NUP107: variants seen among roughly 807,000 people sequenced by gnomAD.
The protein encoded by NUP107 is nuclear pore complex protein Nup107.
Under a neutral mutation model 141.0 loss-of-function variants are expected in NUP107, and 101 were observed. That is an observed-to-expected ratio of 0.72 (90% CI 0.61 to 0.84). The LOEUF (loss-of-function observed/expected upper bound fraction) is 0.84, where lower values mean the gene tolerates loss of function less well. NUP107 is among the 40% of genes least tolerant of loss of function. NUP107 has a pLI of 0.00. For missense variants in NUP107, 941 were observed against 1,102.7 expected (o/e 0.85, Z 2.08); for synonymous variants, 319 against 363.9 (o/e 0.88, Z 1.41).
chr12:68,696,011 A>G (rs1008849272), intron 5 of NUP107, among the ~76,000 whole-genome samples: 5 of 143,794 alleles, frequency 3.5e-5, no homozygotes, highest in Non-Finnish European at 7.6e-5. Flanking sequence ...CCCTCTCTTA[A>G]AAAAAAAAAA....
chr12:68,693,871 A>G (rs1389102172), intron 5 of NUP107, among the ~76,000 whole-genome samples: 1 of 152,202 alleles, frequency 6.6e-6, no homozygotes, highest in Admixed American at 6.5e-5. Context: ...TTCTTAATCT[A>G]ACATTGTTGA....
At chr12:68,714,958 A>C (rs996599875) in intron 11 of NUP107, among the ~76,000 whole-genome samples, 10 of 152,192 alleles carry the variant, frequency 6.6e-5, no homozygotes, top group African/African-American at 2.4e-4. Context: ...TTCTTCTTCC[A>C]TCTAGGTCTA....
At chr12:68,712,272 C>G (rs1184310674) in intron 10 of NUP107, among the ~76,000 whole-genome samples, 1 of 151,934 alleles carries the variant, frequency 6.6e-6, no homozygotes, top group East Asian at 1.9e-4. Context: ...CACCTGAGAT[C>G]AGGAGTTCAA....
Position 68,731,710 on chromosome 12 carries a change from C to A in NUP107, c.1989C>A (p.Gly663=). The A allele has an allele frequency of 6.5e-7, 1 of 1,544,390 alleles. No homozygotes were observed. The change falls in exon 22 of 28, where the codon GGC becomes GGA. Residue 663 remains glycine (G), a synonymous_variant. Transcript: ENST00000229179. ...ACCTGGCCCCAGCCCTAGATACTGG[C>A]ACTACTGAGGTAATTTGGGATGGGG... The part of the protein sequence containing the change: ...HHDLAPALDT[G]TTEEDRLKID...
At chr12:68,735,133 A>C in intron 25 of NUP107, 98 bp from the exon 26 acceptor site, 1 of 852,986 alleles carries the variant, frequency 1.2e-6, no homozygotes, top group East Asian at 2.5e-5. Flanking sequence ...TCAACTCTTT[A>C]GAATGATGTT....
chr12:68,702,268 C>T (rs932926325), intron 7 of NUP107, among the ~76,000 whole-genome samples: 2 of 151,808 alleles, frequency 1.3e-5, no homozygotes, highest in Non-Finnish European at 2.9e-5. Flanking sequence ...GGATTATAGG[C>T]GAGAGCCACC....
chr12:68,698,106 C>A (rs1389199981), intron 6 of NUP107, among the ~76,000 whole-genome samples: 1 of 151,512 alleles, frequency 6.6e-6, no homozygotes, highest in Admixed American at 6.6e-5. Context: ...TGAGATACTA[C>A]AACATACCTA....
rs1220499285 is a variant in NUP107 at position 68,700,840 on chromosome 12, G to A, written c.667G>A (p.Ala223Thr). The change falls in exon 7 of 28, where the codon GCT becomes ACT. Residue 223 changes from alanine to threonine, a missense_variant. Transcript: ENST00000229179. ...QQEMVTWRLL[A>T]SLYRDRIQSA... Reference sequence around the variant, plus strand: ...GGAGATGGTCACATGGAGGCTGCTGGCTTCTTTGTATAGGTAATGGCGTCT... The same window carrying A: ...GGAGATGGTCACATGGAGGCTGCTGACTTCTTTGTATAGGTAATGGCGTCT... 2 of 1,595,964 alleles carry A rather than the reference G, an allele frequency of 1.3e-6. No individual in the cohort carries two copies. Among genetic ancestry groups the A allele is most frequent in the Non-Finnish European group, 8.5e-7 (1 of 1,175,352 alleles).
At position 68,706,195 on chromosome 12, in the gene NUP107, A is replaced by G; in HGVS notation, c.730-3043A>G. On this transcript the variant is annotated intron_variant, in intron 8 of 27. Coordinates refer to ENST00000229179, the MANE Select transcript of NUP107 (RefSeq NM_020401.4). ...ACGAGGATGATATCAAAAAGCATACAGAGATGGAGAATGAATTTGTCCTCA... is the reference window on the plus strand; with the variant it reads ...ACGAGGATGATATCAAAAAGCATACGGAGATGGAGAATGAATTTGTCCTCA... The G allele has an allele frequency of 3.9e-6, 3 of 766,848 alleles. No homozygotes were observed. In the South Asian group the frequency reaches 4.0e-5, roughly 10 times the overall value. 47.5% of individuals were successfully genotyped at this position (766,848 alleles called of 1,614,324 possible). A position where few individuals can be genotyped will look rare whatever the true frequency, so the allele number is the denominator to read the frequency against.
At chr12:68,731,866 T>G (rs1404837809) in intron 22 of NUP107, 147 bp downstream of exon 22, 1 of 484,942 alleles carries the variant, frequency 2.1e-6, no homozygotes, top group Non-Finnish European at 3.6e-6. Flanking sequence ...CTTTTAAATT[T>G]AAAGTCTTAT....
intron 8 of NUP107, among the ~76,000 whole-genome samples, chr12:68,703,778 T>C (rs911044576): frequency 6.6e-6 from 1 of 152,234 alleles, no homozygotes. Context: ...TTATTATTTC[T>C]TAGATTTTTT....
chr12:68,731,891 A>C (rs1000246817), intron 22 of NUP107, among the ~76,000 whole-genome samples, 172 bp downstream of exon 22: 1 of 152,190 alleles, frequency 6.6e-6, no homozygotes, highest in African/African-American at 2.4e-5. Flanking sequence ...AGGATTACTT[A>C]TAGTAGTATG....
chr12:68,732,842 C>T, intron 23 of NUP107, 103 bp downstream of exon 23: 1 of 674,502 alleles, frequency 1.5e-6, no homozygotes, highest in Non-Finnish European at 2.4e-6. Flanking sequence ...ACCACACCCA[C>T]CTAATTTTTA....
rs555041944 is a variant in NUP107 at position 68,743,242 on chromosome 12, A to C, written c.*780A>C. The C allele has an allele frequency of 6.6e-6, 1 of 152,430 alleles. No individual in the cohort carries two copies. The highest frequency in any genetic ancestry group is 2.1e-4 in the South Asian group (1 of 4,818). 9.4% of individuals were successfully genotyped at this position (152,430 alleles called of 1,614,324 possible). Reference sequence around the variant, plus strand: ...GTGAAACCCTGTCTCTACTAAAAAAATACAAAAATTAGCCGGGCATGGTGG... The same window carrying C: ...GTGAAACCCTGTCTCTACTAAAAAACTACAAAAATTAGCCGGGCATGGTGG... On this transcript the variant is annotated 3_prime_UTR_variant, in exon 28 of 28. Transcript: ENST00000229179.
rs1878464309 is a variant in NUP107 at position 68,744,902 on chromosome 12, A to G, written c.*2440A>G. 6.6e-6 allele frequency: 1 copy of G among 152,216 alleles called. No homozygotes were observed. The highest frequency in any genetic ancestry group is 1.5e-5 in the Non-Finnish European group (1 of 68,044). The allele number at this position is 152,216 out of a possible 1,614,324, so 9.4% of individuals were successfully genotyped here. Reference sequence around the variant, plus strand: ...TTGAAGAACTGGGTTTTCATTCTAGAGAGGAAACTCAGGGAAGGGCGTGTT... The same window carrying G: ...TTGAAGAACTGGGTTTTCATTCTAGGGAGGAAACTCAGGGAAGGGCGTGTT... On this transcript the variant is annotated 3_prime_UTR_variant, in exon 28 of 28. Coordinates refer to ENST00000229179, the MANE Select transcript of NUP107 (RefSeq NM_020401.4).
At chr12:68,693,473 C>G (rs1211365774) in intron 5 of NUP107, among the ~76,000 whole-genome samples, 1 of 152,166 alleles carries the variant, frequency 6.6e-6, no homozygotes, top group Non-Finnish European at 1.5e-5. Flanking sequence ...CTCAGCCTCT[C>G]AAAGTGCTGG....
In NUP107 at chr12:68,741,797, T is replaced by C. The variant is rs1197599843; in HGVS notation, c.2503-16T>C. 6.2e-7 allele frequency: 1 copy of C among 1,603,090 alleles called. No individual in the cohort carries two copies. Among genetic ancestry groups the C allele is most frequent in the Non-Finnish European group, 8.5e-7 (1 of 1,174,230 alleles). On this transcript the variant is annotated splice_polypyrimidine_tract_variant and intron_variant, in intron 26 of 27. Coordinates refer to ENST00000229179, the MANE Select transcript of NUP107 (RefSeq NM_020401.4). ...AGCTTAAATTGTTAAAATGATTTAT[T>C]GATGTCTGTTTGTAGGATGCCAAAG... is the stretch of plus-strand genomic sequence containing the variant.
At position 68,719,291 on chromosome 12, in the gene NUP107, C is replaced by A. The variant is rs776562465; in HGVS notation, c.1084-50C>A. ...CTTGTCATATATTGGTTATACTTTA[C>A]TATAAAGCACCCTGGTTATTGGACT... On this transcript the variant is annotated intron_variant, in intron 12 of 27. Coordinates refer to ENST00000229179, the MANE Select transcript of NUP107 (RefSeq NM_020401.4). 6.5e-6 allele frequency: 9 copies of A among 1,379,116 alleles called. No individual in the cohort carries two copies. In the Admixed American group the frequency reaches 1.4e-4, roughly 22 times the overall value. 85.4% of individuals were successfully genotyped at this position (1,379,116 alleles called of 1,614,324 possible).
chr12:68,689,180 C>A, intron 2 of NUP107, 127 bp downstream of exon 2: 1 of 599,216 alleles, frequency 1.7e-6, no homozygotes, highest in Non-Finnish European at 2.8e-6. Flanking sequence ...CTTTTTTTCA[C>A]TCCACAGAGC....
Sources: allele counts gnomAD v4.1 joint callset (sites outside exome capture counted in the v4.1 genomes callset), GRCh38; gene constraint gnomAD v4.1.1; transcripts MANE v1.5; gene names NCBI Gene and HGNC (gene_info 2026-07-23, HGNC 2026-07-21).